ANAPC10: variants seen among roughly 807,000 people sequenced by gnomAD.
ANAPC10 encodes anaphase-promoting complex subunit 10.
Under a neutral mutation model 22.0 loss-of-function variants are expected in ANAPC10, and 12 were observed. That is an observed-to-expected ratio of 0.55 (90% CI 0.35 to 0.88). ANAPC10 has a LOEUF of 0.88. Among genes scored for constraint, ANAPC10 ranks in the 40% least tolerant of loss-of-function variants. ANAPC10 has a pLI of 0.01. For missense variants in ANAPC10, 188 were observed against 220.9 expected (o/e 0.85, Z 0.94); for synonymous variants, 65 against 69.5 (o/e 0.94, Z 0.32).
intron 2 of ANAPC10, among the ~76,000 whole-genome samples, chr4:145,093,023 C>T (rs1389122700): frequency 2.0e-5 from 3 of 152,158 alleles, no homozygotes; most frequent in Admixed American, 6.5e-5. Flanking sequence ...ATACAGCCTA[C>T]CTAAGAGTGT....
At chr4:145,016,502 T>A (rs765372905) in intron 4 of ANAPC10, among the ~76,000 whole-genome samples, 12 of 152,212 alleles carry the variant, frequency 7.9e-5, no homozygotes, top group Non-Finnish European at 1.2e-4. Context: ...CATTCCATGC[T>A]CATGGATAGG....
chr4:144,997,000 C>G (rs1731718372), intron 4 of ANAPC10, among the ~76,000 whole-genome samples: 2 of 151,754 alleles, frequency 1.3e-5, no homozygotes. Context: ...GATGGAAGAT[C>G]AAATGAATGA....
chr4:145,017,627 C>A (rs1578922344), intron 4 of ANAPC10, among the ~76,000 whole-genome samples: 2 of 152,138 alleles, frequency 1.3e-5, no homozygotes, highest in African/African-American at 4.8e-5. Context: ...TGGGTATATA[C>A]CCAAAGGAAT....
chr4:145,018,136 T>C (rs1230141304), intron 4 of ANAPC10, among the ~76,000 whole-genome samples: 2 of 149,074 alleles, frequency 1.3e-5, no homozygotes, highest in South Asian at 2.1e-4. Flanking sequence ...TATATATATA[T>C]ATAAATAAAA....
chr4:145,075,333 A>C lies in ANAPC10; in HGVS notation c.206+6327T>G, dbSNP rs1026911799. Among the ~76,000 whole-genome samples, 3 of 152,356 alleles carry C rather than the reference A, an allele frequency of 2.0e-5. No homozygotes were observed. In the South Asian group the frequency reaches 6.2e-4, roughly 32 times the overall value. On this transcript the variant is annotated intron_variant, in intron 3 of 4. Coordinates refer to ENST00000507656, the MANE Select transcript of ANAPC10 (RefSeq NM_001256706.2). The stretch of plus-strand genomic sequence containing the variant: ...AAATGTAGAACTATAACTTTATATT[A>C]CATTTATTATTTACTAATAAAGAGA...
At chr4:145,040,868 G>A (rs370286264) in intron 4 of ANAPC10, among the ~76,000 whole-genome samples, 1 of 152,160 alleles carries the variant, frequency 6.6e-6, no homozygotes, top group East Asian at 1.9e-4. Context: ...GGACTGAGAA[G>A]GAAGAAACTA....
chr4:145,014,269 G>A (rs959738035), intron 4 of ANAPC10, among the ~76,000 whole-genome samples: 10 of 152,014 alleles, frequency 6.6e-5, no homozygotes, highest in South Asian at 4.1e-4. Context: ...GAGTGAGACC[G>A]GCCCTTTGGA....
chr4:145,065,246 A>G (rs1347302750), intron 3 of ANAPC10, among the ~76,000 whole-genome samples: 1 of 152,002 alleles, frequency 6.6e-6, no homozygotes, highest in South Asian at 2.1e-4. Flanking sequence ...ATTTTAAAAT[A>G]TACATATCCT....
chr4:145,006,635 C>T (rs1054607543), intron 4 of ANAPC10, among the ~76,000 whole-genome samples: 14 of 152,080 alleles, frequency 9.2e-5, no homozygotes, highest in East Asian at 5.8e-4. Context: ...AATAAAACGA[C>T]GATAATTTTA....
At chr4:145,080,045 T>C (rs1354798961) in intron 3 of ANAPC10, among the ~76,000 whole-genome samples, 1 of 129,684 alleles carries the variant, frequency 7.7e-6, no homozygotes, top group African/African-American at 3.0e-5. Flanking sequence ...ACCTGGGAGG[T>C]AGAGGTTGCA....
chr4:145,011,264 G>C (rs897360925), intron 4 of ANAPC10, among the ~76,000 whole-genome samples: 1 of 151,670 alleles, frequency 6.6e-6, no homozygotes, highest in African/African-American at 2.4e-5. Flanking sequence ...TTGAACCCTG[G>C]AGGCGGAGGT....
intron 3 of ANAPC10, among the ~76,000 whole-genome samples, chr4:145,077,672 A>G (rs1560918580): frequency 6.6e-6 from 1 of 152,226 alleles, no homozygotes; most frequent in Non-Finnish European, 1.5e-5. Context: ...AGGCTAATCC[A>G]CCACAATCAA....
At chr4:145,040,833 A>G (rs895965352) in intron 4 of ANAPC10, among the ~76,000 whole-genome samples, 3 of 152,226 alleles carry the variant, frequency 2.0e-5, no homozygotes, top group Admixed American at 1.3e-4. Context: ...TACATATGCT[A>G]TAAAGAGATG....
Position 145,064,679 on chromosome 4 carries a change from C to A in ANAPC10, c.220G>T (p.Val74Leu). The A allele has an allele frequency of 6.5e-7, 1 of 1,529,784 alleles. No individual in the cohort carries two copies. The highest frequency in any genetic ancestry group is 8.8e-7 in the Non-Finnish European group (1 of 1,135,332). 94.8% of individuals were successfully genotyped at this position (1,529,784 alleles called of 1,614,324 possible). ...VNIQFRRKTT[V>L]KTLCIYADYK... ...TCTGCATAAATACATAATGTCTTCA[C>A]TGTTGTTTTTCTTCTAAAAGCAATA... The change falls in exon 4 of 5, where the codon GTG becomes TTG. Residue 74 changes from valine (V) to leucine (L), a missense_variant. Transcript: ENST00000507656.
At chr4:145,024,079 G>T (rs1334113672) in intron 4 of ANAPC10, among the ~76,000 whole-genome samples, 1 of 152,108 alleles carries the variant, frequency 6.6e-6, no homozygotes, top group Non-Finnish European at 1.5e-5. Context: ...TACTTTCTTT[G>T]CTCATCAATA....
intron 3 of ANAPC10, among the ~76,000 whole-genome samples, chr4:145,076,867 C>A (rs1259838504): frequency 2.0e-5 from 3 of 152,188 alleles, no homozygotes; most frequent in Admixed American, 6.5e-5. Flanking sequence ...TCTCAGAGAA[C>A]AAAGACTGGT....
intron 4 of ANAPC10, among the ~76,000 whole-genome samples, chr4:145,056,833 T>C (rs901376573): frequency 1.3e-5 from 2 of 152,218 alleles, no homozygotes; most frequent in Admixed American, 6.5e-5. Flanking sequence ...TAAAACCATG[T>C]CATTTTCATT....
At chr4:145,030,461 G>C (rs918070505) in intron 4 of ANAPC10, among the ~76,000 whole-genome samples, 2 of 152,186 alleles carry the variant, frequency 1.3e-5, no homozygotes, top group African/African-American at 4.8e-5. Flanking sequence ...GGGGACTACT[G>C]GACACTGGCT....
At chr4:145,053,060 G>A (rs1346467809) in intron 4 of ANAPC10, among the ~76,000 whole-genome samples, 1 of 152,154 alleles carries the variant, frequency 6.6e-6, no homozygotes, top group Admixed American at 6.5e-5. Context: ...TATCCTGACT[G>A]ATGAGGAAGA....
Sources: gnomAD v4.1 joint callset for allele counts (sites outside exome capture counted in the v4.1 genomes callset) on GRCh38, gnomAD v4.1.1 for gene constraint, MANE v1.5 for transcripts, NCBI Gene and HGNC (gene_info 2026-07-23, HGNC 2026-07-21) for gene names.